ATP1A3: variants seen among roughly 807,000 people sequenced by gnomAD.
ATP1A3 encodes the protein ATPase Na+/K+ transporting subunit alpha 3, also known as sodium/potassium-transporting ATPase subunit alpha-3.
Under a neutral mutation model 108.8 loss-of-function variants are expected in ATP1A3, and 12 were observed. That is an observed-to-expected ratio of 0.11 (90% CI 0.07 to 0.18). The LOEUF (loss-of-function observed/expected upper bound fraction) is 0.18, where lower values mean the gene tolerates loss of function less well. Among genes scored for constraint, ATP1A3 ranks in the 10% least tolerant of loss-of-function variants. The pLI is 1.00. For synonymous variants in ATP1A3, 539 were observed against 564.5 expected (o/e 0.95, Z 0.64); for missense variants, 498 against 1,387.7 (o/e 0.36, Z 10.19).
Position 41,978,625 on chromosome 19 carries a change from G to A in ATP1A3, c.1611C>T (p.Gly537=), listed in dbSNP as rs1555862297. 1.9e-6 allele frequency: 3 copies of A among 1,613,728 alleles called. No individual in the cohort carries two copies. Among genetic ancestry groups the A allele is most frequent in the Admixed American group, 3.3e-5 (2 of 60,022 alleles). Residue 537 remains glycine, a synonymous_variant, in exon 12 of 23, where the codon GGC becomes GGT. Coordinates refer to ENST00000648268, the MANE Select transcript of ATP1A3 (RefSeq NM_152296.5). The surrounding 1 kb of genome is among the most constrained non-coding windows in gnomAD (Gnocchi z 8.3). ...AFQNAYLELG[G]LGERVLGFCH... ...TCGCACCAAGCACGCGCTCGCCCAG[G>A]CCACCGAGCTCAAGGTAGGCATTCT...
intron 15 of ATP1A3, 89 bp downstream of exon 15, chr19:41,976,327 C>A (rs1555861217): frequency 6.4e-7 from 1 of 1,563,534 alleles, no homozygotes; most frequent in African/African-American, 1.4e-5. Flanking sequence ...CCAGCCCCTC[C>A]TCCCTCAGAC....
In ATP1A3 at chr19:41,967,677, C is replaced by T. The variant is rs1555858925; in HGVS notation, c.2906G>A (p.Arg969His). The T allele has an allele frequency of 1.2e-6, 2 of 1,613,922 alleles. No homozygotes were observed. Among genetic ancestry groups the T allele is most frequent in the Non-Finnish European group, 1.7e-6 (2 of 1,179,910 alleles). The stretch of plus-strand genomic sequence containing the variant: ...GGGCACTCACTTGAGAGGGTACATG[C>T]GCAGGGCCACGTCCATGCCGGGGCA... ...SYCPGMDVAL[R>H]MYPLKPSWWF... The change falls in exon 21 of 23, where the codon CGC (arginine) becomes CAC (histidine). Residue 969 changes from arginine (R) to histidine (H), a missense_variant. By Grantham distance (29) the Arg-to-His change is conservative. This residue lies in a region of ATP1A3 where 121 missense variants were observed against 425.1 expected (regional missense o/e 0.28). Transcript: ENST00000648268. The surrounding 1 kb of genome is among the most constrained non-coding windows in gnomAD (Gnocchi z 4.2).
chr19:41,968,826 G>A lies in ATP1A3; in HGVS notation c.2778C>T (p.Ile926=), dbSNP rs1555859155. ...IVVVQWADLI[I]CKTRRNSVFQ... ...AGACCGAGTTCCTCCGGGTCTTGCA[G>A]ATGATCAGATCGGCCCACTGGACGA... Residue 926 remains isoleucine, a synonymous_variant, in exon 20 of 23, where the codon ATC becomes ATT. Transcript: ENST00000648268. This position sits in a 1 kb window ranked among gnomAD's most constrained non-coding sequence, Gnocchi z 5.0. The A allele has an allele frequency of 6.2e-7, 1 of 1,614,196 alleles. No individual in the cohort carries two copies. Among genetic ancestry groups the A allele is most frequent in the Admixed American group, 1.7e-5 (1 of 60,022 alleles).
intron 11 of ATP1A3, among the ~76,000 whole-genome samples, chr19:41,980,332 G>T (rs2075216931): frequency 6.6e-6 from 1 of 152,202 alleles, no homozygotes; most frequent in Admixed American, 6.5e-5. Flanking sequence ...ATACTGAATG[G>T]GCCGGGCATG....
At chr19:41,973,309 G>A (rs553584200) in intron 16 of ATP1A3, among the ~76,000 whole-genome samples, 2 of 152,310 alleles carry the variant, frequency 1.3e-5, no homozygotes, top group South Asian at 4.1e-4. Flanking sequence ...AGGCTGGAGT[G>A]CAGTGGCACC....
At chr19:41,986,315 C>A (rs782628701) in intron 4 of ATP1A3, 86 bp from the exon 5 acceptor site, 2 of 1,358,586 alleles carry the variant, frequency 1.5e-6, no homozygotes, top group East Asian at 2.3e-5. Flanking sequence ...GGGAAGGGAG[C>A]TTTGTGTCAG....
intron 15 of ATP1A3, 34 bp downstream of exon 15, chr19:41,976,382 G>GC: frequency 6.2e-7 from 1 of 1,613,302 alleles, no homozygotes; most frequent in Non-Finnish European, 8.5e-7. Context: ...AGGAGTCAAG[G>GC]CCCCGTCCCC....
In ATP1A3 at chr19:41,988,514, G is replaced by T; in HGVS notation, c.55C>A (p.Arg19Ser). The T allele has an allele frequency of 6.2e-7, 1 of 1,614,164 alleles. No homozygotes were observed. Among genetic ancestry groups the T allele is most frequent in the Non-Finnish European group, 8.5e-7 (1 of 1,180,028 alleles). The part of the protein sequence containing the change: ...DSPKKNKGKE[R>S]RDLDDLKKEV... Reference sequence around the variant, plus strand: ...TTCTTGAGGTCATCCAGGTCCCGGCGCTCCTTGCCCTTGTTCTTCTTGGGT... The same window carrying T: ...TTCTTGAGGTCATCCAGGTCCCGGCTCTCCTTGCCCTTGTTCTTCTTGGGT... Residue 19 changes from arginine (R) to serine (S), a missense_variant, in exon 2 of 23, where the codon CGC (arginine) becomes AGC (serine). Arg to Ser is a moderately radical substitution (Grantham distance 110). Transcript: ENST00000648268. This position sits in a 1 kb window ranked among gnomAD's most constrained non-coding sequence, Gnocchi z 5.3.
At chr19:41,969,686 C>A (rs371384148) in intron 18 of ATP1A3, 106 bp from the exon 19 acceptor site, 1 of 1,450,396 alleles carries the variant, frequency 6.9e-7, no homozygotes, top group Non-Finnish European at 9.6e-7. Flanking sequence ...GGGAGTATGC[C>A]CTCCTGGCCC....
In ATP1A3 at chr19:41,967,221, C is replaced by G. The variant is rs782818855; in HGVS notation, c.3013+28G>C. 9.3e-6 allele frequency: 15 copies of G among 1,613,828 alleles called. No individual in the cohort carries two copies. The African/African-American group carries it at 1.2e-4, about 13-fold the overall frequency. On this transcript the variant is annotated intron_variant, in intron 22 of 22. Transcript: ENST00000648268. The surrounding 1 kb of genome is among the most constrained non-coding windows in gnomAD (Gnocchi z 4.2). ...CTGAGACCCTGCTGCCCCCCGCCCC[C>G]CTCGGCTGCCTTGCCGAGCTCCCTC...
intron 16 of ATP1A3, among the ~76,000 whole-genome samples, chr19:41,973,114 C>T (rs1555860316): frequency 6.6e-6 from 1 of 152,168 alleles, no homozygotes; most frequent in Non-Finnish European, 1.5e-5. Context: ...CAGCATAATC[C>T]AGTGTGTGTT....
intron 14 of ATP1A3, 31 bp downstream of exon 14, chr19:41,977,905 T>C: frequency 6.2e-7 from 1 of 1,613,136 alleles, no homozygotes; most frequent in Non-Finnish European, 8.5e-7. Flanking sequence ...TAGAGGGATG[T>C]CCAGGGCCCT....
chr19:41,967,017 C>T lies in ATP1A3; in HGVS notation c.3014-52G>A. On this transcript the variant is annotated intron_variant, in intron 22 of 22. Coordinates refer to ENST00000648268, the MANE Select transcript of ATP1A3 (RefSeq NM_152296.5). The surrounding 1 kb of genome is among the most constrained non-coding windows in gnomAD (Gnocchi z 4.2). ...AGACAGAGTAAGAGATGGAGAGAGA[C>T]AGGCAAGGCGAGCCGCCCAGCAGAG... 1.9e-6 allele frequency: 3 copies of T among 1,551,558 alleles called. No homozygotes were observed. The highest frequency in any genetic ancestry group is 2.6e-6 in the Non-Finnish European group (3 of 1,146,958).
In ATP1A3 at chr19:41,981,009, T is replaced by G. The variant is rs2075225287; in HGVS notation, c.1437+493A>C. On this transcript the variant is annotated intron_variant, in intron 11 of 22. Coordinates refer to ENST00000648268, the MANE Select transcript of ATP1A3 (RefSeq NM_152296.5). The surrounding 1 kb of genome is among the most constrained non-coding windows in gnomAD (Gnocchi z 5.0). The stretch of plus-strand genomic sequence containing the variant: ...CTCTGCTGTAGGAAAACTTTTTTTT[T>G]TTTTTTGAGTCAGGGTCTTGCTCTG... 6.6e-6 allele frequency among the ~76,000 whole-genome samples: 1 copy of G among 151,264 alleles called. No individual in the cohort carries two copies. The highest frequency in any genetic ancestry group is 2.4e-5 in the African/African-American group (1 of 41,166).
intron 16 of ATP1A3, among the ~76,000 whole-genome samples, chr19:41,971,489 C>T (rs868911726): frequency 6.6e-6 from 1 of 152,152 alleles, no homozygotes. Context: ...GAGCCAAAAG[C>T]CAGAGTCAAC....
chr19:41,991,255 C>G (rs2075335539), intron 1 of ATP1A3, among the ~76,000 whole-genome samples: 1 of 152,076 alleles, frequency 6.6e-6, no homozygotes, highest in Non-Finnish European at 1.5e-5. Context: ...AGGGCCTGAG[C>G]TGCCTGCTGT....
rs1289172670 is a variant in ATP1A3 at position 41,994,214 on chromosome 19, C to G, written c.-138G>C. On this transcript the variant is annotated 5_prime_UTR_variant, in exon 1 of 23. Transcript: ENST00000648268. ...CGCGTCCGTCCGTCCGTCCGTTGGT[C>G]CCACCGCACAGAGGCTGCGGCGGCC... 1 of 796,244 alleles carries G rather than the reference C, an allele frequency of 1.3e-6. No homozygotes were observed. The highest frequency in any genetic ancestry group is 1.8e-5 in the African/African-American group (1 of 54,214). 49.3% of individuals were successfully genotyped at this position (796,244 alleles called of 1,614,324 possible).
In ATP1A3 at chr19:41,988,043, G is replaced by A. The variant is rs1555866028; in HGVS notation, c.250C>T (p.Arg84Trp). The change falls in exon 4 of 23, where the codon CGG becomes TGG. Residue 84 changes from arginine (R) to tryptophan (W), a missense_variant. Physicochemically the swap from Arg to Trp is moderately radical, Grantham distance 101 (BLOSUM62 -3). Around this residue, in one of 9 missense-constraint regions of ATP1A3, gnomAD observed 127 missense variants for 464.0 expected, o/e 0.27. Transcript: ENST00000648268. This position sits in a 1 kb window ranked among gnomAD's most constrained non-coding sequence, Gnocchi z 5.3. ...PTTPEWVKFC[R>W]QLFGGFSILL... Reference sequence around the variant, plus strand: ...ATGGAGAAGCCCCCGAAGAGCTGCCGGCAAAACTTGACCCACTCTGGGGTG... The same window carrying A: ...ATGGAGAAGCCCCCGAAGAGCTGCCAGCAAAACTTGACCCACTCTGGGGTG... 1 of 1,614,138 alleles carries A rather than the reference G, an allele frequency of 6.2e-7. No homozygotes were observed. Among genetic ancestry groups the A allele is most frequent in the Non-Finnish European group, 8.5e-7 (1 of 1,180,030 alleles).
intron 16 of ATP1A3, among the ~76,000 whole-genome samples, chr19:41,973,969 C>T (rs963347396): frequency 4.6e-5 from 7 of 152,012 alleles, no homozygotes; most frequent in African/African-American, 1.7e-4. Flanking sequence ...GGTGGCTCAC[C>T]CCTGCAATCC....
Sources: allele counts gnomAD v4.1 joint callset (sites outside exome capture counted in the v4.1 genomes callset), GRCh38; gene constraint gnomAD v4.1.1; regional missense constraint gnomAD v4.1.1; non-coding constraint Gnocchi (gnomAD v3.1); transcripts MANE v1.5; gene names NCBI Gene and HGNC (gene_info 2026-07-23, HGNC 2026-07-21).